Variants in ERC1 observed in about 807,000 individuals in gnomAD.
The protein encoded by ERC1 is RAB6 interacting protein 2.
In ERC1, 56 loss-of-function variants were observed where a neutral mutation model predicts 132.0. The ratio of observed to expected loss-of-function variants is 0.42; its 90% confidence interval spans 0.34 to 0.53. ERC1 has a LOEUF of 0.53. ERC1 is among the 20% of genes least tolerant of loss of function. The probability of loss-of-function intolerance (pLI) is 0.03; values close to 1 mark genes in which losing one functional copy is unlikely to be tolerated. For missense variants in ERC1, 1,202 were observed against 1,349.9 expected (o/e 0.89, Z 1.72); for synonymous variants, 478 against 476.1 (o/e 1.00, Z -0.05).
chr12:1,255,724 C>T (rs541918341), intron 13 of ERC1, among the ~76,000 whole-genome samples: 1 of 147,780 alleles, frequency 6.8e-6, no homozygotes, highest in Admixed American at 7.0e-5. Context: ...GTTCTGCCTC[C>T]CGGGTTCACG....
chr12:1,304,846 G>A (rs2080733070), intron 15 of ERC1, among the ~76,000 whole-genome samples: 1 of 131,690 alleles, frequency 7.6e-6, no homozygotes, highest in South Asian at 2.6e-4. Flanking sequence ...CTGGAGTACA[G>A]TGGCGTGATC....
intron 3 of ERC1, among the ~76,000 whole-genome samples, chr12:1,098,840 G>A (rs1944350535): frequency 6.6e-6 from 1 of 152,214 alleles, no homozygotes; most frequent in Non-Finnish European, 1.5e-5. Flanking sequence ...ATGGAAAAGA[G>A]AAAAAGGTTA....
intron 15 of ERC1, among the ~76,000 whole-genome samples, chr12:1,340,563 A>G (rs1237744727): frequency 6.6e-6 from 1 of 152,132 alleles, no homozygotes. Context: ...TCATTCCCTC[A>G]GGGTCGTTGG....
At chr12:1,179,039 C>T (rs1954062353) in intron 8 of ERC1, among the ~76,000 whole-genome samples, 1 of 152,120 alleles carries the variant, frequency 6.6e-6, no homozygotes, top group African/African-American at 2.4e-5. Flanking sequence ...TTAGAATTTC[C>T]TCATAGTTTG....
intron 13 of ERC1, among the ~76,000 whole-genome samples, chr12:1,243,402 A>C (rs1304791103): frequency 6.6e-6 from 1 of 151,828 alleles, no homozygotes; most frequent in Non-Finnish European, 1.5e-5. Context: ...AGAGATACTG[A>C]GGTGCTATGT....
intron 7 of ERC1, among the ~76,000 whole-genome samples, chr12:1,118,026 G>A (rs1053901301): frequency 6.6e-6 from 1 of 152,278 alleles, no homozygotes; most frequent in East Asian, 1.9e-4. Flanking sequence ...ATGGAGAATG[G>A]CGGTATCCAT....
At chr12:1,101,412 C>T (rs543714046) in intron 3 of ERC1, among the ~76,000 whole-genome samples, 1 of 152,204 alleles carries the variant, frequency 6.6e-6, no homozygotes, top group African/African-American at 2.4e-5. Context: ...ACACTGCTCA[C>T]CACCACTGGA....
Position 1,104,770 on chromosome 12 carries a change from G to A in ERC1, c.1107G>A (p.Glu369=), listed in dbSNP as rs746755200. The A allele has an allele frequency of 9.9e-6, 16 of 1,613,302 alleles. No homozygotes were observed. Among genetic ancestry groups the A allele is most frequent in the Non-Finnish European group, 1.4e-5 (16 of 1,179,248 alleles). The change falls in exon 4 of 19, where the codon GAG becomes GAA. Residue 369 remains glutamate, a synonymous_variant. Coordinates refer to ENST00000360905, the MANE Select transcript of ERC1 (RefSeq NM_178040.4). The part of the protein sequence containing the change: ...MLREEMHRRF[E]NAPDSAKTKA... ...TACAGGAGATGCATCGAAGGTTTGA[G>A]AATGCTCCTGATTCTGCCAAAACAA...
At chr12:1,074,738 G>A (rs536453399) in intron 2 of ERC1, among the ~76,000 whole-genome samples, 2 of 152,234 alleles carry the variant, frequency 1.3e-5, no homozygotes, top group South Asian at 4.1e-4. Flanking sequence ...TACAGCATTC[G>A]CAGAGCAAAA....
intron 12 of ERC1, among the ~76,000 whole-genome samples, chr12:1,223,338 A>G (rs2074316003): frequency 6.6e-6 from 1 of 152,212 alleles, no homozygotes; most frequent in African/African-American, 2.4e-5. Context: ...CAGCAATAAC[A>G]AAGTAAATAT....
chr12:1,107,865 A>G (rs1422560211), intron 4 of ERC1, among the ~76,000 whole-genome samples: 1 of 152,160 alleles, frequency 6.6e-6, no homozygotes, highest in Non-Finnish European at 1.5e-5. Flanking sequence ...GAGAGAGTTC[A>G]TGGGAAAAAG....
intron 18 of ERC1, among the ~76,000 whole-genome samples, chr12:1,478,570 G>A (rs2094020156): frequency 1.3e-5 from 2 of 152,094 alleles, no homozygotes; most frequent in African/African-American, 4.8e-5. Context: ...GAGGCGGGTG[G>A]ATCACGAGGT....
chr12:1,172,968 A>G (rs760539703), intron 8 of ERC1, among the ~76,000 whole-genome samples: 3 of 152,122 alleles, frequency 2.0e-5, no homozygotes, highest in Non-Finnish European at 4.4e-5. Context: ...GCTTTAGTGT[A>G]TGGTGATTAG....
chr12:1,463,955 G>A (rs758328233), intron 18 of ERC1, among the ~76,000 whole-genome samples: 9 of 152,024 alleles, frequency 5.9e-5, no homozygotes, highest in South Asian at 2.1e-4. Context: ...CCAAAGGTCC[G>A]GGGGAAGACA....
At chr12:1,419,016 G>C (rs1275335880) in intron 17 of ERC1, among the ~76,000 whole-genome samples, 1 of 151,896 alleles carries the variant, frequency 6.6e-6, no homozygotes, top group Non-Finnish European at 1.5e-5. Context: ...GACCGGCTGA[G>C]GTCTTCGTTT....
At chr12:1,049,819 C>G (rs138729615) in intron 2 of ERC1, among the ~76,000 whole-genome samples, 2 of 142,564 alleles carry the variant, frequency 1.4e-5, no homozygotes, top group African/African-American at 5.2e-5. Context: ...ATGGTACGAT[C>G]TCAGCTCACT....
At chr12:1,219,119 C>T (rs147039054) in intron 12 of ERC1, among the ~76,000 whole-genome samples, 5 of 152,122 alleles carry the variant, frequency 3.3e-5, no homozygotes, top group African/African-American at 9.6e-5. Context: ...GTGATCCACC[C>T]GCCTTGGCCT....
intron 12 of ERC1, chr12:1,190,322 A>G (rs1268220890): frequency 2.1e-6 from 1 of 475,694 alleles, no homozygotes; most frequent in East Asian, 4.8e-5. Context: ...TTAAAATTAA[A>G]GTTTTTTTTA....
At chr12:1,208,962 T>A (rs1425244405) in intron 12 of ERC1, among the ~76,000 whole-genome samples, 2 of 68,368 alleles carry the variant, frequency 2.9e-5, no homozygotes, top group Non-Finnish European at 3.1e-5. Context: ...AGCTGATTTT[T>A]TTTTTTTTTT....
Sources: allele counts gnomAD v4.1 joint callset (sites outside exome capture counted in the v4.1 genomes callset), GRCh38; gene constraint gnomAD v4.1.1; transcripts MANE v1.5; gene names NCBI Gene and HGNC (gene_info 2026-07-23, HGNC 2026-07-21).